FARS2: variants seen among roughly 807,000 people sequenced by gnomAD.
FARS2 encodes phenylalanyl-tRNA synthetase 2, mitochondrial, also known as phenylalanine--tRNA ligase, mitochondrial.
FARS2 carries 40 observed loss-of-function variants against 46.4 expected under a neutral mutation model. That is an observed-to-expected ratio of 0.86 (90% CI 0.67 to 1.12). FARS2 has a LOEUF of 1.12. Among genes scored for constraint, FARS2 ranks in the 50% most tolerant of loss-of-function variants. FARS2 has a pLI of 0.00. For missense variants in FARS2, 513 were observed against 567.9 expected (o/e 0.90, Z 0.98); for synonymous variants, 234 against 214.9 (o/e 1.09, Z -0.78).
intron 6 of FARS2, among the ~76,000 whole-genome samples, chr6:5,743,574 C>T (rs1278675344): frequency 6.6e-6 from 1 of 152,202 alleles, no homozygotes; most frequent in African/African-American, 2.4e-5. Flanking sequence ...AGCATTTGAT[C>T]AGTAGCAAGC....
At chr6:5,380,699 C>A (rs1759701659) in intron 2 of FARS2, among the ~76,000 whole-genome samples, 1 of 152,150 alleles carries the variant, frequency 6.6e-6, no homozygotes, top group Non-Finnish European at 1.5e-5. Flanking sequence ...TGCTATTTGA[C>A]CAAGAATGCA....
intron 4 of FARS2, among the ~76,000 whole-genome samples, chr6:5,459,344 T>A (rs1243634901): frequency 6.6e-6 from 1 of 151,914 alleles, no homozygotes; most frequent in Non-Finnish European, 1.5e-5. Flanking sequence ...CAAACTTTTT[T>A]TCCAGATCTT....
At chr6:5,476,676 C>A (rs1445245636) in intron 4 of FARS2, among the ~76,000 whole-genome samples, 1 of 152,062 alleles carries the variant, frequency 6.6e-6, no homozygotes, top group Non-Finnish European at 1.5e-5. Flanking sequence ...AAGGCCGTTG[C>A]CATGCCGAGG....
chr6:5,739,007 T>G (rs1388338226), intron 6 of FARS2, among the ~76,000 whole-genome samples: 5 of 152,214 alleles, frequency 3.3e-5, no homozygotes, highest in African/African-American at 1.2e-4. Context: ...GTGCTAGTCC[T>G]TATCACACCT....
chr6:5,595,677 G>A (rs1774158149), intron 5 of FARS2, among the ~76,000 whole-genome samples: 1 of 152,222 alleles, frequency 6.6e-6, no homozygotes, highest in African/African-American at 2.4e-5. Flanking sequence ...GGAGGTGGGA[G>A]AAGCAGATGG....
intron 6 of FARS2, among the ~76,000 whole-genome samples, chr6:5,653,834 G>T (rs151281259): frequency 6.6e-6 from 1 of 152,124 alleles, no homozygotes; most frequent in Non-Finnish European, 1.5e-5. Flanking sequence ...GAGAATAGTG[G>T]AGAAGGGCAG....
At chr6:5,283,372 C>T (rs143427440) in intron 1 of FARS2, among the ~76,000 whole-genome samples, 1 of 112,072 alleles carries the variant, frequency 8.9e-6, no homozygotes, top group East Asian at 2.4e-4. Context: ...AAACTCCTGT[C>T]TCAAAAAAAA....
intron 4 of FARS2, among the ~76,000 whole-genome samples, chr6:5,529,592 C>T (rs901560194): frequency 1.3e-5 from 2 of 152,190 alleles, no homozygotes; most frequent in Non-Finnish European, 2.9e-5. Flanking sequence ...AGGTGTCAGC[C>T]GCTGTGCCCA....
At chr6:5,756,938 G>A (rs561017614) in intron 6 of FARS2, among the ~76,000 whole-genome samples, 40 of 152,252 alleles carry the variant, frequency 2.6e-4, no homozygotes, top group African/African-American at 8.4e-4. Flanking sequence ...AATTCAGCAC[G>A]AAGCAATGGG....
chr6:5,629,543 G>A (rs1393071013), intron 6 of FARS2, among the ~76,000 whole-genome samples: 1 of 152,164 alleles, frequency 6.6e-6, no homozygotes, highest in Non-Finnish European at 1.5e-5. Flanking sequence ...TTGGGAAAAC[G>A]AGGCTGAGGA....
At chr6:5,589,332 G>A (rs1773790979) in intron 5 of FARS2, among the ~76,000 whole-genome samples, 1 of 152,192 alleles carries the variant, frequency 6.6e-6, no homozygotes, top group Non-Finnish European at 1.5e-5. Context: ...GACAGCACTT[G>A]GCAGGTAGCT....
chr6:5,314,778 G>A (rs1301361565), intron 1 of FARS2, among the ~76,000 whole-genome samples: 1 of 152,188 alleles, frequency 6.6e-6, no homozygotes, highest in Non-Finnish European at 1.5e-5. Flanking sequence ...CAGATCTCTT[G>A]TGCAAAGAAT....
chr6:5,631,239 C>T (rs748512247), intron 6 of FARS2, among the ~76,000 whole-genome samples: 4 of 152,226 alleles, frequency 2.6e-5, no homozygotes, highest in Non-Finnish European at 5.9e-5. Flanking sequence ...AATACCTATG[C>T]ATTGAACATC....
Position 5,369,155 on chromosome 6 carries a change from G to A in FARS2, c.585G>A (p.Glu195=), listed in dbSNP as rs764461862. Residue 195 remains glutamate, a synonymous_variant, in exon 2 of 7, where the codon GAG becomes GAA. Coordinates refer to ENST00000274680, the MANE Select transcript of FARS2 (RefSeq NM_006567.5). The part of the protein sequence containing the change: ...SQHYPIFHQL[E]AVRLFSKHEL... ...ACTACCCTATTTTCCACCAGCTGGA[G>A]GCCGTGCGGCTCTTCTCCAAGCATG... is the stretch of plus-strand genomic sequence containing the variant. 2.5e-6 allele frequency: 4 copies of A among 1,609,336 alleles called. No individual in the cohort carries two copies. The highest frequency in any genetic ancestry group is 1.6e-4 in the Middle Eastern group (1 of 6,062).
intron 5 of FARS2, among the ~76,000 whole-genome samples, chr6:5,605,879 G>T (rs1199676235): frequency 6.6e-6 from 1 of 152,130 alleles, no homozygotes; most frequent in Non-Finnish European, 1.5e-5. Context: ...AAAAAAATTA[G>T]AATCTCAGAA....
chr6:5,307,385 C>A (rs1241549920), intron 1 of FARS2, among the ~76,000 whole-genome samples: 1 of 152,110 alleles, frequency 6.6e-6, no homozygotes, highest in Non-Finnish European at 1.5e-5. Context: ...CTCTAGTGGG[C>A]TTTTTGTGCA....
chr6:5,352,810 A>G (rs528376766), intron 1 of FARS2, among the ~76,000 whole-genome samples: 1 of 152,168 alleles, frequency 6.6e-6, no homozygotes, highest in South Asian at 2.1e-4. Context: ...AATCGTACAT[A>G]TGTACGGGGT....
chr6:5,606,950 G>A (rs1396522380), intron 5 of FARS2, among the ~76,000 whole-genome samples: 2 of 152,136 alleles, frequency 1.3e-5, no homozygotes, highest in African/African-American at 4.8e-5. Flanking sequence ...GAACAAACCA[G>A]CTTTCTGCTC....
At chr6:5,770,372 A>G (rs1348112238) in intron 6 of FARS2, among the ~76,000 whole-genome samples, 1 of 151,880 alleles carries the variant, frequency 6.6e-6, no homozygotes, top group Admixed American at 6.6e-5. Flanking sequence ...CCCCAAGGCC[A>G]AGAAGGGATT....
Sources: allele counts gnomAD v4.1 joint callset (sites outside exome capture counted in the v4.1 genomes callset), GRCh38; gene constraint gnomAD v4.1.1; transcripts MANE v1.5; gene names NCBI Gene and HGNC (gene_info 2026-07-23, HGNC 2026-07-21).